DNAH6: variants seen among roughly 807,000 people sequenced by gnomAD.
DNAH6 encodes axonemal beta dynein heavy chain 6.
Under a neutral mutation model 491.4 loss-of-function variants are expected in DNAH6, and 340 were observed. The ratio of observed to expected loss-of-function variants is 0.69; its 90% CI spans 0.63 to 0.76. The LOEUF (loss-of-function observed/expected upper bound fraction) is 0.76, where lower values mean the gene tolerates loss of function less well. DNAH6 is among the 30% of genes least tolerant of loss of function. The pLI, the probability that DNAH6 is intolerant of heterozygous loss-of-function variation, is 0.00. For synonymous variants in DNAH6, 1,603 were observed against 1,686.1 expected (o/e 0.95, Z 1.21); for missense variants, 4,443 against 4,972.2 (o/e 0.89, Z 3.20).
intron 2 of DNAH6, among the ~76,000 whole-genome samples, chr2:84,525,338 G>A (rs561868231): frequency 1.3e-5 from 2 of 152,052 alleles, no homozygotes; most frequent in Non-Finnish European, 2.9e-5. Flanking sequence ...AGTATTCATT[G>A]ATAATTTCAA....
intron 22 of DNAH6, among the ~76,000 whole-genome samples, chr2:84,612,056 T>A (rs982333646): frequency 6.6e-6 from 1 of 152,088 alleles, no homozygotes; most frequent in Admixed American, 6.6e-5. Flanking sequence ...GACTTTTTTT[T>A]ATTATTATTA....
intron 10 of DNAH6, among the ~76,000 whole-genome samples, chr2:84,554,307 G>T (rs537197069): frequency 6.6e-6 from 1 of 152,264 alleles, no homozygotes; most frequent in South Asian, 2.1e-4. Context: ...CTAATCATGG[G>T]ACTGGCATCC....
the DNAH6 span, among the ~76,000 whole-genome samples, chr2:84,499,192 C>G: frequency 1.3e-5 from 2 of 152,142 alleles, no homozygotes; most frequent in African/African-American, 2.4e-5. Flanking sequence ...CACAAACCCC[C>G]CACTACCCTT....
At chr2:84,687,142 T>C (rs1694341840) in intron 44 of DNAH6, among the ~76,000 whole-genome samples, 1 of 152,228 alleles carries the variant, frequency 6.6e-6, no homozygotes, top group African/African-American at 2.4e-5. Flanking sequence ...GTCTCTGCAA[T>C]ACTCTCTGTC....
intron 31 of DNAH6, 85 bp downstream of exon 31, chr2:84,637,462 T>G: frequency 2.9e-6 from 4 of 1,362,532 alleles, no homozygotes; most frequent in Non-Finnish European, 1.9e-6. Context: ...AAAGTTTCCT[T>G]TATGAATGCC....
In DNAH6 at chr2:84,529,217, T is replaced by G. The variant is rs4832090; in HGVS notation, c.662+51T>G. On this transcript the variant is annotated intron_variant, in intron 4 of 76. Coordinates refer to ENST00000389394, the MANE Select transcript of DNAH6 (RefSeq NM_001370.2). ...TAACATAAAAATTACAAATAAGATT[T>G]CACATATTATTTATAATTGATTGGA... The G allele has an allele frequency of 0.95, 1,245,507 of 1,307,462 alleles. 593,500 individuals are homozygous for G. The highest frequency in any genetic ancestry group is 1 in the East Asian group (39,306 of 39,350). The allele number at this position is 1,307,462 out of a possible 1,614,324, so 81.0% of individuals were successfully genotyped here. A position where few individuals can be genotyped will look rare whatever the true frequency, so the allele number is the denominator to read the frequency against.
chr2:84,536,739 C>G (rs1677729690), intron 4 of DNAH6, among the ~76,000 whole-genome samples: 1 of 151,966 alleles, frequency 6.6e-6, no homozygotes, highest in African/African-American at 2.4e-5. Flanking sequence ...GCTACTTTTA[C>G]AAAGTTTCTT....
chr2:84,677,610 C>A (rs1013868090), intron 41 of DNAH6, among the ~76,000 whole-genome samples: 1 of 152,198 alleles, frequency 6.6e-6, no homozygotes, highest in African/African-American at 2.4e-5. Context: ...GAATGATAAC[C>A]TATCTTTTGT....
chr2:84,735,114 A>G (rs568212254), intron 62 of DNAH6, among the ~76,000 whole-genome samples: 114 of 152,078 alleles, frequency 7.5e-4, no homozygotes, highest in Non-Finnish European at 1.3e-3. Flanking sequence ...TGTGTACCCA[A>G]TGTTTAGCTC....
At chr2:84,568,597 G>A (rs1681464748) in intron 11 of DNAH6, among the ~76,000 whole-genome samples, 1 of 152,090 alleles carries the variant, frequency 6.6e-6, no homozygotes, top group Non-Finnish European at 1.5e-5. Context: ...AGGATAAATA[G>A]CAAATACATG....
chr2:84,766,714 A>C (rs1675113932), intron 64 of DNAH6, among the ~76,000 whole-genome samples: 1 of 152,214 alleles, frequency 6.6e-6, no homozygotes, highest in Non-Finnish European at 1.5e-5. Context: ...AACCTAGAGC[A>C]ATGAGCCCGG....
chr2:84,552,799 G>T, intron 9 of DNAH6, 119 bp from the exon 10 acceptor site: 1 of 498,550 alleles, frequency 2.0e-6, no homozygotes, highest in Non-Finnish European at 3.5e-6. Flanking sequence ...CTTTCCACAT[G>T]CCAAGATAAT....
chr2:84,663,242 C>T (rs1430458184), intron 37 of DNAH6, among the ~76,000 whole-genome samples: 1 of 152,184 alleles, frequency 6.6e-6, no homozygotes, highest in African/African-American at 2.4e-5. Flanking sequence ...TGGAGAATGA[C>T]TTTGACGAGT....
intron 2 of DNAH6, among the ~76,000 whole-genome samples, chr2:84,525,102 T>G (rs2104429816): frequency 6.6e-6 from 1 of 152,218 alleles, no homozygotes; most frequent in South Asian, 2.1e-4. Flanking sequence ...GGGGTTTTAT[T>G]GCCATAATTT....
chr2:84,608,592 C>G (rs1396451909), intron 21 of DNAH6, among the ~76,000 whole-genome samples: 2 of 152,110 alleles, frequency 1.3e-5, no homozygotes, highest in African/African-American at 4.8e-5. Context: ...CAGTAGGTCT[C>G]AACAGTAGGC....
intron 64 of DNAH6, among the ~76,000 whole-genome samples, chr2:84,768,560 T>G (rs965023213): frequency 1.3e-5 from 2 of 151,996 alleles, no homozygotes; most frequent in African/African-American, 4.8e-5. Flanking sequence ...TAAAAGAAAT[T>G]TATTATTAAA....
At chr2:84,784,143 G>A (rs993833412) in intron 65 of DNAH6, among the ~76,000 whole-genome samples, 1 of 152,104 alleles carries the variant, frequency 6.6e-6, no homozygotes, top group African/African-American at 2.4e-5. Flanking sequence ...CTTTACTTTG[G>A]CCTTTTGAAC....
In DNAH6 at chr2:84,736,759, A is replaced by C; in HGVS notation, c.10342+3180A>C. Among the ~76,000 whole-genome samples, 2 of 152,128 alleles carry C rather than the reference A, an allele frequency of 1.3e-5. 1 individual carries two copies. The highest frequency in any genetic ancestry group is 2.9e-5 in the Non-Finnish European group (2 of 67,952). Reference sequence around the variant, plus strand: ...CAAATCCTTAGGATTCTCTAGGGACAGAATCATATTGTTAGTGAAGAGAGA... The same window carrying C: ...CAAATCCTTAGGATTCTCTAGGGACCGAATCATATTGTTAGTGAAGAGAGA... On this transcript the variant is annotated intron_variant, in intron 62 of 76. Coordinates refer to ENST00000389394, the MANE Select transcript of DNAH6 (RefSeq NM_001370.2).
In DNAH6 at chr2:84,677,051, AC is replaced by A; in HGVS notation, c.6662del (p.Pro2221LeufsTer2). ...TGTGCACCTCCAGGCGGTGGCCGCA[AC>A]CCTGTGACTCCCCGCTTCATCAGAC... ...SACAPPGGGR[N>X]PVTPRFIRHF... On this transcript the variant is annotated frameshift_variant, in exon 41 of 77. Transcript: ENST00000389394. LOFTEE classifies it high-confidence loss of function. The A allele has an allele frequency of 6.4e-7, 1 of 1,551,750 alleles. No individual in the cohort carries two copies. Among genetic ancestry groups the A allele is most frequent in the Non-Finnish European group, 8.7e-7 (1 of 1,146,982 alleles).
Sources: gnomAD v4.1 joint callset for allele counts (sites outside exome capture counted in the v4.1 genomes callset) on GRCh38, gnomAD v4.1.1 for gene constraint, MANE v1.5 for transcripts, NCBI Gene and HGNC (gene_info 2026-07-23, HGNC 2026-07-21) for gene names.